LOXHD1: variants seen among roughly 807,000 people sequenced by gnomAD.
LOXHD1 encodes lipoxygenase homology PLAT domains 1.
A neutral mutation model predicts 248.2 loss-of-function variants in LOXHD1; 205 were observed. The observed-to-expected ratio is 0.83, with a 90% CI of 0.74 to 0.93. The LOEUF (loss-of-function observed/expected upper bound fraction) is 0.93. LOXHD1 is among the 40% of genes least tolerant of loss of function. The probability of loss-of-function intolerance (pLI) is 0.00; values close to 1 mark genes in which losing one functional copy is unlikely to be tolerated. For missense variants in LOXHD1, 2,930 were observed against 2,971.6 expected (o/e 0.99, Z 0.33); for synonymous variants, 1,113 against 1,162.8 (o/e 0.96, Z 0.87).
intron 14 of LOXHD1, among the ~76,000 whole-genome samples, chr18:46,574,817 A>G (rs2037824273): frequency 1.3e-5 from 2 of 152,132 alleles, no homozygotes; most frequent in African/African-American, 4.8e-5. Context: ...AGAAGACCAG[A>G]CAAGGGATTG....
At chr18:46,519,224 T>C (rs1200873056) in intron 33 of LOXHD1, 13 of 397,748 alleles carry the variant, frequency 3.3e-5, no homozygotes, top group South Asian at 2.1e-4. Flanking sequence ...AGACACACGG[T>C]TGGGGAAGGG....
intron 25 of LOXHD1, among the ~76,000 whole-genome samples, chr18:46,540,234 A>G (rs1290032766): frequency 2.0e-5 from 3 of 152,198 alleles, no homozygotes; most frequent in Non-Finnish European, 2.9e-5. Flanking sequence ...TAAAGCGTGC[A>G]TTGCCAGCCT....
At chr18:46,639,561 G>C in intron 4 of LOXHD1, 55 bp downstream of exon 4, 2 of 1,513,308 alleles carry the variant, frequency 1.3e-6, no homozygotes, top group Non-Finnish European at 8.9e-7. Flanking sequence ...TTCTTTCCTG[G>C]GTGAGCCCAG....
intron 14 of LOXHD1, among the ~76,000 whole-genome samples, chr18:46,577,384 T>G (rs1340349074): frequency 3.3e-5 from 5 of 152,376 alleles, no homozygotes; most frequent in Non-Finnish European, 7.3e-5. Context: ...AATCTGCAAC[T>G]AACTCTCTGA....
At chr18:46,557,513 A>C in intron 20 of LOXHD1, 24 bp from the exon 21 acceptor site, 1 of 1,551,676 alleles carries the variant, frequency 6.4e-7, no homozygotes, top group Non-Finnish European at 8.7e-7. Flanking sequence ...GGGAACACTC[A>C]GTGGGGTAAG....
In LOXHD1 at chr18:46,640,153, C is replaced by T. The variant is rs147643815; in HGVS notation, c.327-353G>A. Among the ~76,000 whole-genome samples the T allele has an allele frequency of 1.2e-4, 19 of 152,240 alleles. No individual in the cohort carries two copies. The East Asian group carries it at 3.5e-3, about 28-fold the overall frequency. ...TACCCTGGCCTTTGAAAGCAGTGAGCCTCTCCCACTCTGGCTCAAGCACGG... is the reference window on the plus strand; with the variant it reads ...TACCCTGGCCTTTGAAAGCAGTGAGTCTCTCCCACTCTGGCTCAAGCACGG... On this transcript the variant is annotated intron_variant, in intron 3 of 40. Transcript: ENST00000642948.
chr18:46,507,223 C>T (rs1353844397), intron 36 of LOXHD1, among the ~76,000 whole-genome samples: 2 of 152,152 alleles, frequency 1.3e-5, no homozygotes, highest in Non-Finnish European at 2.9e-5. Context: ...GACACTTGGG[C>T]GAGGGGTGCC....
chr18:46,630,904 G>T (rs753398458), intron 4 of LOXHD1, among the ~76,000 whole-genome samples: 4 of 152,160 alleles, frequency 2.6e-5, no homozygotes, highest in Non-Finnish European at 5.9e-5. Flanking sequence ...CTGGTAAGAA[G>T]ATGAGAAAAC....
intron 21 of LOXHD1, among the ~76,000 whole-genome samples, chr18:46,552,877 C>T (rs1173349745): frequency 6.6e-6 from 1 of 152,160 alleles, no homozygotes; most frequent in Non-Finnish European, 1.5e-5. Context: ...ATTACTCATT[C>T]CTTTCTGTGT....
chr18:46,502,971 TAGAG>T (rs2034330165), intron 37 of LOXHD1, among the ~76,000 whole-genome samples: 1 of 152,208 alleles, frequency 6.6e-6, no homozygotes, highest in Non-Finnish European at 1.5e-5. Context: ...ATTTCTGAGA[TAGAG>T]GCTATGGCAG....
chr18:46,565,332 G>A (rs1212005), intron 17 of LOXHD1, among the ~76,000 whole-genome samples: 6 of 151,980 alleles, frequency 3.9e-5, no homozygotes, highest in Non-Finnish European at 7.4e-5. Flanking sequence ...TTCCTCCTCA[G>A]AAATGTCACC....
At chr18:46,614,369 T>G (rs960918781) in intron 5 of LOXHD1, among the ~76,000 whole-genome samples, 5 of 152,132 alleles carry the variant, frequency 3.3e-5, no homozygotes, top group East Asian at 1.9e-4. Flanking sequence ...CACATATACA[T>G]CATGGAATAC....
chr18:46,549,100 C>T (rs2036975060), intron 21 of LOXHD1, among the ~76,000 whole-genome samples: 3 of 152,164 alleles, frequency 2.0e-5, no homozygotes, highest in South Asian at 4.1e-4. Flanking sequence ...CCTGCCTCTT[C>T]CTCCTCCAGG....
intron 31 of LOXHD1, among the ~76,000 whole-genome samples, chr18:46,522,775 GA>G (rs2035642721): frequency 6.6e-6 from 1 of 152,162 alleles, no homozygotes; most frequent in Non-Finnish European, 1.5e-5. Context: ...CATAGTGAAT[GA>G]AAGTCCTAGA....
chr18:46,507,430 T>C (rs1030526261), intron 36 of LOXHD1, 108 bp downstream of exon 36: 3 of 1,232,098 alleles, frequency 2.4e-6, no homozygotes, highest in African/African-American at 3.0e-5. Flanking sequence ...GACTAGATTT[T>C]GGAAGGCCTT....
chr18:46,515,367 A>G (rs1488430327), intron 34 of LOXHD1, among the ~76,000 whole-genome samples: 1 of 152,218 alleles, frequency 6.6e-6, no homozygotes, highest in Admixed American at 6.5e-5. Context: ...GGCCACATGC[A>G]AATGAAAAAA....
chr18:46,514,111 C>G (rs898804544), intron 34 of LOXHD1, among the ~76,000 whole-genome samples: 6 of 152,200 alleles, frequency 3.9e-5, no homozygotes, highest in African/African-American at 1.4e-4. Flanking sequence ...TTGTGGGCAT[C>G]TTTGCTGTGG....
intron 24 of LOXHD1, 117 bp downstream of exon 24, chr18:46,542,610 G>T: frequency 8.0e-7 from 1 of 1,247,114 alleles, no homozygotes; most frequent in Non-Finnish European, 1.1e-6. Flanking sequence ...TAAGGAAGCT[G>T]TGTCATTACA....
intron 40 of LOXHD1, among the ~76,000 whole-genome samples, chr18:46,482,085 T>C (rs2032625871): frequency 6.6e-6 from 1 of 152,208 alleles, no homozygotes; most frequent in South Asian, 2.1e-4. Flanking sequence ...GTCTCCCAGC[T>C]GTCAAGTTCT....
Sources: gnomAD v4.1 joint callset for allele counts (sites outside exome capture counted in the v4.1 genomes callset) on GRCh38, gnomAD v4.1.1 for gene constraint, MANE v1.5 for transcripts, NCBI Gene and HGNC (gene_info 2026-07-23, HGNC 2026-07-21) for gene names.